The following BICC1 variants were observed in gnomAD, a reference collection of about 807,000 sequenced individuals.
BICC1 encodes the protein protein bicaudal C homolog 1.
Under a neutral mutation model 111.0 loss-of-function variants are expected in BICC1, and 43 were observed. That is an observed-to-expected ratio of 0.39 (90% confidence interval 0.30 to 0.50). The LOEUF is 0.50. BICC1 is among the 20% of genes least tolerant of loss of function. The pLI, the probability that BICC1 is intolerant of heterozygous loss-of-function variation, is 0.88. For synonymous variants in BICC1, 467 were observed against 434.4 expected (o/e 1.07, Z -0.93); for missense variants, 1,091 against 1,203.2 (o/e 0.91, Z 1.38).
intron 1 of BICC1, among the ~76,000 whole-genome samples, chr10:58,601,488 T>A (rs1182058185): frequency 1.3e-5 from 2 of 151,902 alleles, no homozygotes; most frequent in African/African-American, 4.8e-5. Context: ...TATTGGTTTT[T>A]CCTTGTTTTT....
At chr10:58,741,025 G>A (rs939148878) in intron 3 of BICC1, among the ~76,000 whole-genome samples, 1 of 152,206 alleles carries the variant, frequency 6.6e-6, no homozygotes, top group Non-Finnish European at 1.5e-5. Flanking sequence ...ATGGTGAGGA[G>A]CATGGTCAAG....
intron 2 of BICC1, among the ~76,000 whole-genome samples, chr10:58,645,539 T>C (rs752777384): frequency 1.3e-5 from 2 of 152,020 alleles, no homozygotes; most frequent in Non-Finnish European, 2.9e-5. Context: ...CTAGGCAGAC[T>C]TCAACAAACA....
At chr10:58,589,178 G>A (rs1589122994) in intron 1 of BICC1, among the ~76,000 whole-genome samples, 3 of 152,150 alleles carry the variant, frequency 2.0e-5, no homozygotes, top group South Asian at 4.2e-4. Context: ...CCACTCACAC[G>A]CTCATCCATG....
intron 1 of BICC1, among the ~76,000 whole-genome samples, chr10:58,594,070 A>G (rs1844727295): frequency 6.6e-6 from 1 of 151,858 alleles, no homozygotes; most frequent in South Asian, 2.1e-4. Context: ...CAAGAACTTC[A>G]TGAAGCATAC....
chr10:58,691,081 C>T (rs1483089667), intron 2 of BICC1, among the ~76,000 whole-genome samples: 1 of 152,140 alleles, frequency 6.6e-6, no homozygotes, highest in Non-Finnish European at 1.5e-5. Flanking sequence ...AGACCATCAC[C>T]ACAAGCTATC....
At chr10:58,763,018 C>T (rs562523121) in intron 3 of BICC1, among the ~76,000 whole-genome samples, 3 of 151,808 alleles carry the variant, frequency 2.0e-5, no homozygotes, top group African/African-American at 7.2e-5. Context: ...TGTTTTAAGG[C>T]CCTGTGATAT....
intron 2 of BICC1, among the ~76,000 whole-genome samples, chr10:58,640,626 T>A (rs1330637402): frequency 6.6e-6 from 1 of 152,196 alleles, no homozygotes; most frequent in Non-Finnish European, 1.5e-5. Flanking sequence ...CACCAAAAAT[T>A]GTTTTTGAGC....
intron 2 of BICC1, among the ~76,000 whole-genome samples, chr10:58,679,954 T>C (rs1426061681): frequency 6.6e-6 from 1 of 152,134 alleles, no homozygotes; most frequent in Admixed American, 6.5e-5. Flanking sequence ...ATTACCTCAA[T>C]AGATGTAGAA....
At chr10:58,526,387 C>A (rs971742677) in intron 1 of BICC1, among the ~76,000 whole-genome samples, 5 of 151,302 alleles carry the variant, frequency 3.3e-5, no homozygotes, top group Non-Finnish European at 7.4e-5. Flanking sequence ...TACATTGTTT[C>A]TTTCTTTTTT....
intron 3 of BICC1, among the ~76,000 whole-genome samples, chr10:58,725,709 C>T (rs539875484): frequency 2.0e-5 from 3 of 152,254 alleles, no homozygotes; most frequent in South Asian, 4.1e-4. Context: ...TCATCTCATC[C>T]AAGATGACTT....
intron 4 of BICC1, among the ~76,000 whole-genome samples, 172 bp downstream of exon 4, chr10:58,785,252 A>G (rs1842977766): frequency 6.6e-6 from 1 of 152,192 alleles, no homozygotes; most frequent in Non-Finnish European, 1.5e-5. Context: ...TAATATTTGA[A>G]TAGGTTCTTT....
intron 1 of BICC1, among the ~76,000 whole-genome samples, chr10:58,562,070 C>T (rs543241307): frequency 6.6e-6 from 1 of 152,210 alleles, no homozygotes; most frequent in East Asian, 1.9e-4. Flanking sequence ...TGACTTTTGA[C>T]AGTTTTCAGT....
At chr10:58,670,251 G>A (rs901259681) in intron 2 of BICC1, among the ~76,000 whole-genome samples, 2 of 152,040 alleles carry the variant, frequency 1.3e-5, no homozygotes, top group Non-Finnish European at 2.9e-5. Flanking sequence ...CCTCATCAGC[G>A]TGCATACCAA....
chr10:58,651,368 G>A (rs867409174), intron 2 of BICC1, among the ~76,000 whole-genome samples: 3 of 152,130 alleles, frequency 2.0e-5, no homozygotes, highest in Non-Finnish European at 4.4e-5. Context: ...AAAAACCGCC[G>A]GGGAAACTGC....
chr10:58,575,565 G>T (rs1189864253), intron 1 of BICC1, among the ~76,000 whole-genome samples: 1 of 5,332 alleles, frequency 1.9e-4, no homozygotes. Flanking sequence ...GATTTATGAA[G>T]TAGTTTTTTT....
At chr10:58,736,561 T>G (rs998490459) in intron 3 of BICC1, among the ~76,000 whole-genome samples, 1 of 152,220 alleles carries the variant, frequency 6.6e-6, no homozygotes, top group Non-Finnish European at 1.5e-5. Context: ...TGTGACCGAC[T>G]CATTTCATGA....
intron 2 of BICC1, chr10:58,648,676 A>C (rs1425130628): frequency 1.0e-6 from 1 of 984,082 alleles, no homozygotes; most frequent in Non-Finnish European, 1.2e-6. Flanking sequence ...TAAGGTACAG[A>C]ATGCCTCTAC....
chr10:58,557,037 AT>A (rs1843468998), intron 1 of BICC1, among the ~76,000 whole-genome samples: 2 of 151,984 alleles, frequency 1.3e-5, no homozygotes, highest in Admixed American at 1.3e-4. Flanking sequence ...GAGATGCAGG[AT>A]TGTCCTTGAT....
At chr10:58,546,660 A>G (rs1250361905) in intron 1 of BICC1, among the ~76,000 whole-genome samples, 2 of 152,138 alleles carry the variant, frequency 1.3e-5, no homozygotes, top group African/African-American at 4.8e-5. Context: ...AGTTGCAGGA[A>G]AAACCCAGGT....
Sources: allele counts gnomAD v4.1 joint callset (sites outside exome capture counted in the v4.1 genomes callset), GRCh38; gene constraint gnomAD v4.1.1; transcripts MANE v1.5; gene names NCBI Gene and HGNC (gene_info 2026-07-23, HGNC 2026-07-21).